PHACTR3: variants seen among roughly 807,000 people sequenced by gnomAD.
The protein encoded by PHACTR3 is phosphatase and actin regulator 3.
A neutral mutation model predicts 66.8 loss-of-function variants in PHACTR3; 16 were observed. That is an observed-to-expected ratio of 0.24 (90% CI 0.16 to 0.36). The LOEUF is 0.36. Among genes scored for constraint, PHACTR3 ranks in the 10% least tolerant of loss-of-function variants. The pLI, the probability that PHACTR3 is intolerant of heterozygous loss-of-function variation, is 1.00. For synonymous variants in PHACTR3, 323 were observed against 292.1 expected (o/e 1.11, Z -1.08); for missense variants, 647 against 719.9 (o/e 0.90, Z 1.16).
At chr20:59,686,283 T>C (rs1257647060) in intron 1 of PHACTR3, among the ~76,000 whole-genome samples, 2 of 152,224 alleles carry the variant, frequency 1.3e-5, no homozygotes, top group East Asian at 3.8e-4. Flanking sequence ...CCCTAGTATT[T>C]ATTAGCCAAG....
At chr20:59,801,776 T>C (rs1409437777) in intron 7 of PHACTR3, among the ~76,000 whole-genome samples, 2 of 152,244 alleles carry the variant, frequency 1.3e-5, no homozygotes, top group African/African-American at 4.8e-5. Flanking sequence ...ATAATGACTA[T>C]GGTCAGGGAA....
intron 1 of PHACTR3, among the ~76,000 whole-genome samples, chr20:59,610,235 A>G (rs915442223): frequency 6.6e-6 from 1 of 152,120 alleles, no homozygotes; most frequent in Admixed American, 6.5e-5. Flanking sequence ...AACCTGCGTG[A>G]CAGAGGTAGA....
intron 1 of PHACTR3, among the ~76,000 whole-genome samples, chr20:59,618,480 T>G (rs2034114008): frequency 6.6e-6 from 1 of 151,924 alleles, no homozygotes; most frequent in Non-Finnish European, 1.5e-5. Flanking sequence ...CAGCCACAGA[T>G]GGTGGGGCCT....
chr20:59,696,831 A>G (rs1308052408), intron 1 of PHACTR3, among the ~76,000 whole-genome samples: 2 of 152,032 alleles, frequency 1.3e-5, no homozygotes, highest in Non-Finnish European at 2.9e-5. Flanking sequence ...AGGCTGATGC[A>G]TTTCCTCCCC....
chr20:59,825,380 TCAGA>T (rs1191854136), intron 8 of PHACTR3, among the ~76,000 whole-genome samples: 1 of 152,232 alleles, frequency 6.6e-6, no homozygotes, highest in African/African-American at 2.4e-5. Flanking sequence ...ACTCATGCAT[TCAGA>T]CACTCATTCA....
intron 7 of PHACTR3, among the ~76,000 whole-genome samples, chr20:59,799,991 T>G (rs1158434017): frequency 6.6e-6 from 1 of 152,176 alleles, no homozygotes; most frequent in Non-Finnish European, 1.5e-5. Context: ...ATGGTTGCTT[T>G]AGTGGTTATA....
rs577154241 is a variant in PHACTR3 at position 59,596,771 on chromosome 20, T to G, written c.109+19154T>G. On this transcript the variant is annotated intron_variant, in intron 1 of 12. Coordinates refer to the PHACTR3 transcript ENST00000359926. The stretch of plus-strand genomic sequence containing the variant: ...CAGGGCGGTGGTGTATTTTTGCATC[T>G]GTTTTGTGTACTGCTGGATTGCCAG... 3.3e-5 allele frequency among the ~76,000 whole-genome samples: 5 copies of G among 152,350 alleles called. No homozygotes were observed. In the South Asian group the frequency reaches 8.3e-4, roughly 25 times the overall value.
chr20:59,665,282 G>A (rs969175114), intron 1 of PHACTR3, among the ~76,000 whole-genome samples: 4 of 152,154 alleles, frequency 2.6e-5, no homozygotes, highest in East Asian at 3.9e-4. Flanking sequence ...TCTCAGACAC[G>A]AATGTCTGCA....
At chr20:59,765,263 TA>T (rs1354641664) in intron 4 of PHACTR3, among the ~76,000 whole-genome samples, 1 of 152,220 alleles carries the variant, frequency 6.6e-6, no homozygotes, top group Non-Finnish European at 1.5e-5. Context: ...ATAGGAGTCT[TA>T]AACCCTTTTT....
Position 59,740,801 on chromosome 20 carries a change from C to T in PHACTR3, c.119-2306C>T, listed in dbSNP as rs368261153. On this transcript the variant is annotated intron_variant, in intron 1 of 12. Coordinates refer to ENST00000371015, the MANE Select transcript of PHACTR3 (RefSeq NM_080672.5). The stretch of plus-strand genomic sequence containing the variant: ...AAGCTCTAGAGGCTGCCAGGCAGGC[C>T]GCCTGTCACTGGGGGCACAGAGGTC... 1.2e-4 allele frequency among the ~76,000 whole-genome samples: 18 copies of T among 152,330 alleles called. No individual in the cohort carries two copies. In the South Asian group the frequency reaches 2.5e-3, roughly 21 times the overall value.
chr20:59,729,305 C>T (rs1335836517), intron 1 of PHACTR3, among the ~76,000 whole-genome samples: 4 of 152,206 alleles, frequency 2.6e-5, no homozygotes, highest in South Asian at 2.1e-4. Flanking sequence ...TTGGCTGTCC[C>T]CGCTCCCAGG....
At chr20:59,585,133 C>A (rs1303957590) in intron 1 of PHACTR3, among the ~76,000 whole-genome samples, 1 of 152,076 alleles carries the variant, frequency 6.6e-6, no homozygotes. Flanking sequence ...GTGAGCAACC[C>A]GAGAGAAACA....
chr20:59,831,761 C>T (rs2042389984), intron 8 of PHACTR3, among the ~76,000 whole-genome samples: 1 of 152,204 alleles, frequency 6.6e-6, no homozygotes, highest in Non-Finnish European at 1.5e-5. Context: ...CATCCCTGCC[C>T]CAGCCAGGTC....
At chr20:59,624,648 C>T (rs528542763) in intron 1 of PHACTR3, among the ~76,000 whole-genome samples, 11 of 152,246 alleles carry the variant, frequency 7.2e-5, no homozygotes, top group African/African-American at 2.6e-4. Context: ...GGAGTGGTCT[C>T]TGGCAACTCG....
intron 5 of PHACTR3, among the ~76,000 whole-genome samples, chr20:59,771,470 G>A (rs1227525703): frequency 1.3e-5 from 2 of 152,106 alleles, no homozygotes; most frequent in Admixed American, 1.3e-4. Flanking sequence ...TCAGGTCTCA[G>A]CTCAAAGTTT....
chr20:59,662,466 A>C (rs560478904), intron 1 of PHACTR3, among the ~76,000 whole-genome samples: 2 of 152,138 alleles, frequency 1.3e-5, no homozygotes, highest in Admixed American at 1.3e-4. Flanking sequence ...AGAGAGCAGG[A>C]TGTATGGACC....
At chr20:59,810,093 A>C (rs940349550) in intron 8 of PHACTR3, among the ~76,000 whole-genome samples, 8 of 152,326 alleles carry the variant, frequency 5.3e-5, no homozygotes, top group East Asian at 3.9e-4. Context: ...TAAACAACAA[A>C]AAAAAAGGTA....
chr20:59,779,926 C>T (rs1350923856), intron 7 of PHACTR3, among the ~76,000 whole-genome samples: 35 of 152,248 alleles, frequency 2.3e-4, no homozygotes, highest in Admixed American at 2.3e-3. Context: ...TGTGTTGTCA[C>T]TGCCCCAAGA....
At chr20:59,779,255 C>A (rs1389526379) in intron 7 of PHACTR3, among the ~76,000 whole-genome samples, 1 of 152,200 alleles carries the variant, frequency 6.6e-6, no homozygotes, top group Admixed American at 6.5e-5. Context: ...TTGTCACATT[C>A]TCAACTGTGT....
Sources: allele counts gnomAD v4.1 joint callset (sites outside exome capture counted in the v4.1 genomes callset), GRCh38; gene constraint gnomAD v4.1.1; transcripts MANE v1.5; gene names NCBI Gene and HGNC (gene_info 2026-07-23, HGNC 2026-07-21).